RSPO2: variants seen among roughly 807,000 people sequenced by gnomAD.
The protein encoded by RSPO2 is R-spondin-2.
A neutral mutation model predicts 30.9 loss-of-function variants in RSPO2; 14 were observed. That is an observed-to-expected ratio of 0.45 (90% CI 0.30 to 0.71). The LOEUF is 0.71. Ranked by LOEUF, RSPO2 falls within the 30% of genes least tolerant of loss-of-function variation. RSPO2 has a pLI of 0.08. For missense variants in RSPO2, 264 were observed against 301.9 expected, an observed-to-expected ratio of 0.87 and a Z score of 0.93; for synonymous variants, 107 against 96.4, an observed-to-expected ratio of 1.11 and a Z score of -0.64.
In RSPO2 at chr8:107,966,296, G is replaced by T. The variant is rs565211044; in HGVS notation, c.284-5479C>A. ...TGTTTCCTCATTGAGACAGGTAACA[G>T]TCCCTATGGGCCAACCATCCTGACA... On this transcript the variant is annotated intron_variant, in intron 3 of 5. Transcript: ENST00000276659. 3.9e-5 allele frequency among the ~76,000 whole-genome samples: 6 copies of T among 152,256 alleles called. No homozygotes were observed. In the South Asian group the frequency reaches 1.2e-3, roughly 32 times the overall value.
intron 2 of RSPO2, among the ~76,000 whole-genome samples, chr8:108,033,739 T>C (rs1811504616): frequency 6.6e-6 from 1 of 152,226 alleles, no homozygotes; most frequent in South Asian, 2.1e-4. Context: ...ATACTGTGTT[T>C]TCCAGACTCT....
chr8:107,957,587 A>G, intron 5 of RSPO2, among the ~76,000 whole-genome samples: 1 of 152,246 alleles, frequency 6.6e-6, no homozygotes, highest in South Asian at 2.1e-4. Context: ...TAATTGTGGT[A>G]ACATTAAGAC....
intron 2 of RSPO2, among the ~76,000 whole-genome samples, chr8:107,996,486 C>T (rs1231657196): frequency 1.3e-5 from 2 of 152,078 alleles, no homozygotes; most frequent in Non-Finnish European, 2.9e-5. Context: ...CAAGATCAAG[C>T]AATTACCCAA....
At chr8:108,049,364 CTTTT>C (rs764405186) in intron 2 of RSPO2, among the ~76,000 whole-genome samples, 12 of 150,932 alleles carry the variant, frequency 8.0e-5, no homozygotes, top group Non-Finnish European at 1.5e-4. Flanking sequence ...ACTTTTTTTT[CTTTT>C]TTTAAAGAAT....
intron 5 of RSPO2, among the ~76,000 whole-genome samples, chr8:107,935,320 T>G (rs1006555620): frequency 2.2e-4 from 33 of 152,184 alleles, no homozygotes; most frequent in African/African-American, 7.2e-4. Context: ...AATAACCCAA[T>G]AGTTATGCAT....
chr8:107,959,996 A>G (rs947643748), intron 4 of RSPO2, among the ~76,000 whole-genome samples: 1 of 152,154 alleles, frequency 6.6e-6, no homozygotes, highest in Non-Finnish European at 1.5e-5. Flanking sequence ...AGGGGGCATG[A>G]CAATACATCC....
intron 2 of RSPO2, among the ~76,000 whole-genome samples, chr8:108,004,693 A>G (rs1056599534): frequency 7.9e-5 from 12 of 152,224 alleles, no homozygotes; most frequent in Non-Finnish European, 1.6e-4. Flanking sequence ...GTAGCCAGAT[A>G]TGTATATAGA....
rs1344257606 is a variant in RSPO2 at position 107,989,190 on chromosome 8, T to C, written c.149A>G (p.Asn50Ser). 3 of 1,607,158 alleles carry C rather than the reference T, an allele frequency of 1.9e-6. No individual in the cohort carries two copies. Among genetic ancestry groups the C allele is most frequent in the Non-Finnish European group, 2.5e-6 (3 of 1,177,902 alleles). Residue 50 changes from asparagine (N) to serine (S), a missense_variant, in exon 3 of 6, where the codon AAT becomes AGT. Physicochemically the swap from Asn to Ser is conservative, Grantham distance 46. Transcript: ENST00000276659. ...CTTCTGTTGACATCGGCTACACCCATTGTCCTTTGAACAAGACAAACAACC... is the reference window on the plus strand; with the variant it reads ...CTTCTGTTGACATCGGCTACACCCACTGTCCTTTGAACAAGACAAACAACC... ...CKGCLSCSKD[N>S]GCSRCQQKLF... is the part of the protein sequence containing the mutation.
chr8:107,958,575 G>A (rs1324275281), intron 4 of RSPO2, among the ~76,000 whole-genome samples: 1 of 151,864 alleles, frequency 6.6e-6, no homozygotes, highest in Non-Finnish European at 1.5e-5. Context: ...ACATGTGCAG[G>A]ATGTGCAGGT....
intron 2 of RSPO2, among the ~76,000 whole-genome samples, chr8:107,996,530 A>G (rs931574966): frequency 4.6e-5 from 7 of 152,190 alleles, no homozygotes; most frequent in African/African-American, 1.7e-4. Context: ...CTTTATAAAT[A>G]AAAGGAGATT....
At chr8:107,938,787 C>A (rs1448531575) in intron 5 of RSPO2, among the ~76,000 whole-genome samples, 1 of 152,150 alleles carries the variant, frequency 6.6e-6, no homozygotes, top group Non-Finnish European at 1.5e-5. Context: ...GTTCTGCAAC[C>A]ATAAACAGTA....
intron 5 of RSPO2, among the ~76,000 whole-genome samples, chr8:107,925,002 C>G (rs1049815544): frequency 6.6e-6 from 1 of 151,986 alleles, no homozygotes; most frequent in East Asian, 1.9e-4. Flanking sequence ...GATCACTATC[C>G]TGCACTCAGA....
At chr8:107,943,514 G>A (rs1489834180) in intron 5 of RSPO2, among the ~76,000 whole-genome samples, 1 of 152,192 alleles carries the variant, frequency 6.6e-6, no homozygotes, top group East Asian at 1.9e-4. Context: ...AACTAGACAT[G>A]CTCACGTGCC....
intron 2 of RSPO2, among the ~76,000 whole-genome samples, chr8:108,078,110 T>A (rs934303856): frequency 6.6e-6 from 1 of 152,172 alleles, no homozygotes; most frequent in Non-Finnish European, 1.5e-5. Flanking sequence ...AACTTGTGAT[T>A]TCTGTGAATA....
intron 2 of RSPO2, among the ~76,000 whole-genome samples, chr8:108,071,475 T>C (rs566471689): frequency 3.3e-5 from 5 of 152,258 alleles, no homozygotes; most frequent in African/African-American, 9.6e-5. Context: ...TCAAATTACG[T>C]AGTTTCTTGA....
At chr8:107,916,441 G>A (rs1811986066) in intron 5 of RSPO2, among the ~76,000 whole-genome samples, 1 of 152,126 alleles carries the variant, frequency 6.6e-6, no homozygotes, top group Non-Finnish European at 1.5e-5. Flanking sequence ...TACTTGTCAG[G>A]TTTTCACCGA....
chr8:107,974,511 C>G (rs1436245359), intron 3 of RSPO2, among the ~76,000 whole-genome samples: 2 of 151,986 alleles, frequency 1.3e-5, no homozygotes, highest in African/African-American at 2.4e-5. Context: ...GAGACCTTGT[C>G]TTAACCAAAA....
At chr8:107,925,836 G>A (rs1812350782) in intron 5 of RSPO2, among the ~76,000 whole-genome samples, 1 of 152,154 alleles carries the variant, frequency 6.6e-6, no homozygotes, top group African/African-American at 2.4e-5. Flanking sequence ...CCAAGTCCTT[G>A]CTATTGTGAG....
At chr8:108,013,023 A>G (rs6469155) in intron 2 of RSPO2, among the ~76,000 whole-genome samples, 56,160 of 151,998 alleles carry the variant, frequency 0.37, 11,365 homozygotes, top group African/African-American at 0.52. Context: ...TATGCTGTGG[A>G]AAGAATGGCT....
Sources: allele counts gnomAD v4.1 joint callset (sites outside exome capture counted in the v4.1 genomes callset), GRCh38; gene constraint gnomAD v4.1.1; transcripts MANE v1.5; gene names NCBI Gene and HGNC (gene_info 2026-07-23, HGNC 2026-07-21).